Variants in NTN1 observed in about 807,000 individuals in gnomAD.
NTN1 encodes the protein netrin-1.
A neutral mutation model predicts 54.2 loss-of-function variants in NTN1; 11 were observed. The ratio of observed to expected loss-of-function variants is 0.20; its 90% CI spans 0.13 to 0.34. The LOEUF is 0.34. Ranked by LOEUF, NTN1 falls within the 10% of genes least tolerant of loss-of-function variation. The probability of loss-of-function intolerance (pLI) is 1.00; values close to 1 mark genes in which losing one functional copy is unlikely to be tolerated. For synonymous variants in NTN1, 371 were observed against 382.0 expected (o/e 0.97, Z 0.33); for missense variants, 740 against 893.1 (o/e 0.83, Z 2.18).
chr17:9,153,376 G>A (rs2092333218), intron 2 of NTN1, among the ~76,000 whole-genome samples: 1 of 152,190 alleles, frequency 6.6e-6, no homozygotes, highest in Admixed American at 6.5e-5. Context: ...TTGAACCTGG[G>A]AGGCAGAGCT....
intron 2 of NTN1, among the ~76,000 whole-genome samples, chr17:9,129,790 G>A (rs2092258657): frequency 1.3e-5 from 2 of 152,180 alleles, no homozygotes; most frequent in Non-Finnish European, 1.5e-5. Context: ...GCATGTGTGT[G>A]CAGCCATTGA....
intron 3 of NTN1, among the ~76,000 whole-genome samples, chr17:9,167,684 G>A (rs1425206644): frequency 7.9e-5 from 12 of 152,218 alleles, no homozygotes; most frequent in African/African-American, 2.2e-4. Context: ...TTGCTAGGAC[G>A]TTCTTGCTAC....
At position 9,166,632 on chromosome 17, in the gene NTN1, G is replaced by A. The variant is rs1292732384; in HGVS notation, c.1207+3631G>A. 4.6e-5 allele frequency among the ~76,000 whole-genome samples: 7 copies of A among 152,176 alleles called. No individual in the cohort carries two copies. The East Asian group carries it at 7.7e-4, about 17-fold the overall frequency. ...GCTGGGATTACAGGTATGAGCCACC[G>A]TGCTTGGCCAGTTAGGCCCCATCTT... On this transcript the variant is annotated intron_variant, in intron 3 of 6. Transcript: ENST00000173229.
chr17:9,016,216 G>T, the NTN1 span, among the ~76,000 whole-genome samples: 3 of 152,216 alleles, frequency 2.0e-5, no homozygotes, highest in African/African-American at 7.2e-5. Context: ...GAAGACACCA[G>T]CACTGGTCAG....
rs1904717507 is a variant in NTN1 at position 9,199,237 on chromosome 17, G to A, written c.1411+16268G>A. On this transcript the variant is annotated intron_variant, in intron 5 of 6. Transcript: ENST00000173229. ...GGCTCATTGCAACCTCCGCTTCCTG[G>A]GTTCAAGCAATTCTCCTGCCTCAGC... is the stretch of plus-strand genomic sequence containing the variant. Among the ~76,000 whole-genome samples the A allele has an allele frequency of 2.6e-5, 4 of 152,286 alleles. No homozygotes were observed. In the South Asian group the frequency reaches 8.3e-4, roughly 32 times the overall value.
intron 6 of NTN1, among the ~76,000 whole-genome samples, chr17:9,228,615 A>G (rs1459456415): frequency 6.6e-6 from 1 of 152,214 alleles, no homozygotes; most frequent in Non-Finnish European, 1.5e-5. Flanking sequence ...AGTTCTTGGA[A>G]AAGTTATTCG....
intron 5 of NTN1, among the ~76,000 whole-genome samples, chr17:9,191,713 A>C (rs1181436915): frequency 6.6e-6 from 1 of 152,042 alleles, no homozygotes; most frequent in Non-Finnish European, 1.5e-5. Flanking sequence ...GTAATAAAAA[A>C]TTAACAAGAA....
Position 9,196,672 on chromosome 17 carries a change from C to A in NTN1, c.1411+13703C>A, listed in dbSNP as rs547188727. On this transcript the variant is annotated intron_variant, in intron 5 of 6. Coordinates refer to ENST00000173229, the MANE Select transcript of NTN1 (RefSeq NM_004822.3). Reference sequence around the variant, plus strand: ...AGGCGGCCAGTGGGGCATTGCCCCTCCCCATTCCCCCCTCCAGAGAGGTCA... The same window carrying A: ...AGGCGGCCAGTGGGGCATTGCCCCTACCCATTCCCCCCTCCAGAGAGGTCA... Among the ~76,000 whole-genome samples, 5 of 152,350 alleles carry A rather than the reference C, an allele frequency of 3.3e-5. No homozygotes were observed. In the South Asian group the frequency reaches 1.0e-3, roughly 32 times the overall value.
At chr17:9,028,312 A>G (rs1441311085) in intron 2 of NTN1, among the ~76,000 whole-genome samples, 1 of 152,188 alleles carries the variant, frequency 6.6e-6, no homozygotes, top group Non-Finnish European at 1.5e-5. Flanking sequence ...TCAGCAGCAC[A>G]GGGCTGTCAT....
At position 9,211,422 on chromosome 17, in the gene NTN1, A is replaced by T. The variant is rs1468261886; in HGVS notation, c.1412-9746A>T. Among the ~76,000 whole-genome samples, 7 of 152,238 alleles carry T rather than the reference A, an allele frequency of 4.6e-5. 1 individual carries two copies. The highest frequency in any genetic ancestry group is 1.7e-4 in the African/African-American group (7 of 41,532). On this transcript the variant is annotated intron_variant, in intron 5 of 6. Coordinates refer to ENST00000173229, the MANE Select transcript of NTN1 (RefSeq NM_004822.3). This position sits in a 1 kb window ranked among gnomAD's most constrained non-coding sequence, Gnocchi z 4.4. ...TCATCATTTCCTGAGTGTCACCGTC[A>T]GGAATGGGAGTGATGACACTCGTGC...
intron 2 of NTN1, among the ~76,000 whole-genome samples, chr17:9,033,020 G>A (rs1328368406): frequency 6.7e-6 from 1 of 148,834 alleles, no homozygotes; most frequent in Non-Finnish European, 1.5e-5. Context: ...ATGGCACCGT[G>A]TCAGCTCACT....
intron 2 of NTN1, among the ~76,000 whole-genome samples, chr17:9,025,575 A>C (rs1002379929): frequency 7.2e-5 from 11 of 152,352 alleles, no homozygotes; most frequent in African/African-American, 2.6e-4. Context: ...CATAAAAGCA[A>C]AGCCAATTCA....
the NTN1 span, among the ~76,000 whole-genome samples, chr17:9,013,830 C>A: frequency 4.6e-5 from 7 of 152,210 alleles, no homozygotes; most frequent in Non-Finnish European, 1.0e-4. Flanking sequence ...TTGTTCCTTC[C>A]TCAAGGCCTG....
At chr17:9,040,797 C>CT (rs147482508) in intron 2 of NTN1, among the ~76,000 whole-genome samples, 17,232 of 148,506 alleles carry the variant, frequency 0.12, 1,347 homozygotes, top group East Asian at 0.25. Flanking sequence ...CTCTTTCTTA[C>CT]TTTTTTTTTT....
Position 9,022,964 on chromosome 17 carries a change from C to T in NTN1, c.591C>T (p.Asn197=). 1 of 1,611,246 alleles carries T rather than the reference C, an allele frequency of 6.2e-7. No individual in the cohort carries two copies. The highest frequency in any genetic ancestry group is 8.5e-7 in the Non-Finnish European group (1 of 1,179,532). ...ACCGCGCGCCCATCACCAAGCAGAA[C>T]GAGCAGGAGGCCGTGTGCACCGACT... ...RPHRAPITKQ[N]EQEAVCTDSH... The change falls in exon 2 of 7, where the codon AAC becomes AAT. Residue 197 remains asparagine, a synonymous_variant. Transcript: ENST00000173229.
chr17:9,206,478 G>T (rs528772391), intron 5 of NTN1, among the ~76,000 whole-genome samples: 31 of 152,220 alleles, frequency 2.0e-4, no homozygotes, highest in Admixed American at 1.5e-3. Flanking sequence ...CCTGCCCTCG[G>T]GGGGAGGGGG....
intron 5 of NTN1, among the ~76,000 whole-genome samples, chr17:9,217,848 A>G (rs1185769187): frequency 7.9e-6 from 1 of 126,122 alleles, no homozygotes; most frequent in Non-Finnish European, 1.7e-5. Flanking sequence ...CAGAAAGGAA[A>G]GACACCAAAA....
Position 9,165,368 on chromosome 17 carries a change from G to C in NTN1, c.1207+2367G>C, listed in dbSNP as rs1433504722. Among the ~76,000 whole-genome samples the C allele has an allele frequency of 6.6e-6, 1 of 152,206 alleles. No homozygotes were observed. The highest frequency in any genetic ancestry group is 1.5e-5 in the Non-Finnish European group (1 of 68,034). ...CGGGAACCCGCAGGCCATTCTCCAGGGGTCTGCCACTCTGGCTGAATGGCA... is the reference window on the plus strand; with the variant it reads ...CGGGAACCCGCAGGCCATTCTCCAGCGGTCTGCCACTCTGGCTGAATGGCA... On this transcript the variant is annotated intron_variant, in intron 3 of 6. Transcript: ENST00000173229. This position sits in a 1 kb window ranked among gnomAD's most constrained non-coding sequence, Gnocchi z 4.5.
At chr17:9,077,847 T>C (rs1437059055) in intron 2 of NTN1, among the ~76,000 whole-genome samples, 1 of 152,196 alleles carries the variant, frequency 6.6e-6, no homozygotes. Context: ...GGACCGGTGT[T>C]CAATGAATGT....
Sources: gnomAD v4.1 joint callset for allele counts (sites outside exome capture counted in the v4.1 genomes callset) on GRCh38, gnomAD v4.1.1 for gene constraint, Gnocchi (gnomAD v3.1) non-coding constraint, MANE v1.5 for transcripts, NCBI Gene and HGNC (gene_info 2026-07-23, HGNC 2026-07-21) for gene names.